The following CDH18 variants were observed in gnomAD, a reference collection of about 807,000 sequenced individuals.
The protein encoded by CDH18 is cadherin-18.
Under a neutral mutation model 67.9 loss-of-function variants are expected in CDH18, and 31 were observed. The ratio of observed to expected loss-of-function variants is 0.46; its 90% CI spans 0.34 to 0.62. CDH18 has a LOEUF of 0.62. Among genes scored for constraint, CDH18 ranks in the 20% least tolerant of loss-of-function variants. The pLI is 0.01. For missense variants in CDH18, 890 were observed against 975.5 expected, an observed-to-expected ratio of 0.91 and a Z score of 1.17; for synonymous variants, 362 against 347.2, an observed-to-expected ratio of 1.04 and a Z score of -0.48.
At chr5:20,418,250 T>TTTTTTTTTTG (rs1747506484) in intron 1 of CDH18, among the ~76,000 whole-genome samples, 1 of 122,236 alleles carries the variant, frequency 8.2e-6, no homozygotes, top group African/African-American at 3.2e-5. Flanking sequence ...TAATTTTTTT[T>TTTTTTTTTTG]TTTTTTTTTT....
At chr5:19,656,975 A>C (rs1756490870) in intron 5 of CDH18, among the ~76,000 whole-genome samples, 1 of 151,908 alleles carries the variant, frequency 6.6e-6, no homozygotes, top group African/African-American at 2.4e-5. Flanking sequence ...TATAAACAAC[A>C]TGGTATGGGA....
chr5:20,265,870 A>G (rs1744994509), intron 1 of CDH18, among the ~76,000 whole-genome samples: 1 of 152,174 alleles, frequency 6.6e-6, no homozygotes, highest in African/African-American at 2.4e-5. Context: ...GTGTTTCTGA[A>G]AAAGATTAGC....
chr5:20,272,934 G>A (rs1745544295), intron 1 of CDH18, among the ~76,000 whole-genome samples: 1 of 152,030 alleles, frequency 6.6e-6, no homozygotes, highest in African/African-American at 2.4e-5. Context: ...AAATGCTAAT[G>A]AAAATGCAGT....
At chr5:19,476,580 G>A (rs2126524916) in intron 12 of CDH18, among the ~76,000 whole-genome samples, 1 of 152,110 alleles carries the variant, frequency 6.6e-6, no homozygotes, top group Middle Eastern at 3.4e-3. Context: ...ACTGTATTCA[G>A]AAGTTTAGAT....
At chr5:20,102,851 C>T (rs541049191) in intron 2 of CDH18, among the ~76,000 whole-genome samples, 2 of 152,178 alleles carry the variant, frequency 1.3e-5, no homozygotes, top group African/African-American at 4.8e-5. Context: ...CCATCTGTGA[C>T]TAGAATAATA....
In CDH18 at chr5:20,191,468, G is replaced by A. The variant is rs115905220; in HGVS notation, c.-518+63976C>T. 6.7e-3 allele frequency among the ~76,000 whole-genome samples: 1,024 copies of A among 151,980 alleles called. 14 individuals are homozygous for A. Among genetic ancestry groups the A allele is most frequent in the African/African-American group, 0.024 (979 of 41,456 alleles). On this transcript the variant is annotated intron_variant, in intron 2 of 14. Coordinates refer to the CDH18 transcript ENST00000507958. ...GTTACATTGGTATTTGTGTGCCATG[G>A]TGGTTTGCTGCACCTATTGAACTAT...
intron 2 of CDH18, among the ~76,000 whole-genome samples, chr5:19,924,041 T>G (rs558794100): frequency 6.6e-6 from 1 of 152,320 alleles, no homozygotes; most frequent in South Asian, 2.1e-4. Flanking sequence ...AGCATTGTCA[T>G]AGCTGGCTTA....
At chr5:20,060,907 T>C (rs1008506385) in intron 2 of CDH18, among the ~76,000 whole-genome samples, 2 of 151,910 alleles carry the variant, frequency 1.3e-5, no homozygotes, top group African/African-American at 4.8e-5. Context: ...ACACAAATGA[T>C]ATTTTTCCTA....
intron 3 of CDH18, among the ~76,000 whole-genome samples, chr5:19,747,981 C>A (rs539658905): frequency 2.7e-5 from 4 of 150,088 alleles, no homozygotes; most frequent in East Asian, 3.9e-4. Context: ...GGCGTGGTGG[C>A]GGGCGCCTGT....
intron 2 of CDH18, among the ~76,000 whole-genome samples, chr5:19,872,052 A>G (rs1223625919): frequency 2.0e-5 from 3 of 152,158 alleles, no homozygotes; most frequent in African/African-American, 7.2e-5. Flanking sequence ...TGTTTTATAC[A>G]TATTTCCTTA....
intron 7 of CDH18, among the ~76,000 whole-genome samples, chr5:19,575,704 A>T (rs1018590862): frequency 7.2e-5 from 11 of 152,166 alleles, no homozygotes; most frequent in African/African-American, 2.7e-4. Flanking sequence ...ATGACATAAC[A>T]AATTGCCACA....
chr5:19,580,699 G>A (rs1743104288), intron 7 of CDH18, among the ~76,000 whole-genome samples: 1 of 151,860 alleles, frequency 6.6e-6, no homozygotes, highest in African/African-American at 2.4e-5. Context: ...CTACAAATGA[G>A]GAAACTAAGG....
chr5:20,166,712 T>A (rs964995820), intron 2 of CDH18, among the ~76,000 whole-genome samples: 1 of 152,090 alleles, frequency 6.6e-6, no homozygotes, highest in African/African-American at 2.4e-5. Context: ...TAGGATTAAG[T>A]CCATGTTTCC....
At chr5:20,544,416 C>T (rs1174910894) in intron 1 of CDH18, among the ~76,000 whole-genome samples, 6 of 152,078 alleles carry the variant, frequency 3.9e-5, no homozygotes, top group African/African-American at 1.4e-4. Flanking sequence ...AATCTGTTCT[C>T]ACACTGCTAT....
intron 2 of CDH18, among the ~76,000 whole-genome samples, chr5:19,946,669 A>G (rs1795312721): frequency 1.3e-5 from 2 of 152,158 alleles, no homozygotes; most frequent in Admixed American, 1.3e-4. Flanking sequence ...ACACTTAAAG[A>G]AAAGTTAACA....
chr5:20,007,005 T>G (rs534353328), intron 2 of CDH18, among the ~76,000 whole-genome samples: 134 of 152,040 alleles, frequency 8.8e-4, no homozygotes, highest in Non-Finnish European at 1.0e-3. Flanking sequence ...TTGAGTTAAA[T>G]TTTTTTAGGT....
At chr5:19,797,481 A>G (rs1041706653) in intron 3 of CDH18, among the ~76,000 whole-genome samples, 1 of 152,032 alleles carries the variant, frequency 6.6e-6, no homozygotes, top group African/African-American at 2.4e-5. Flanking sequence ...TAAAACTCAT[A>G]CAACTAAGTG....
intron 7 of CDH18, among the ~76,000 whole-genome samples, chr5:19,581,069 A>G (rs1743169374): frequency 6.6e-6 from 1 of 151,934 alleles, no homozygotes. Flanking sequence ...CTAAAATGCT[A>G]TTGATAAAAT....
intron 1 of CDH18, among the ~76,000 whole-genome samples, chr5:20,457,814 G>A (rs1750951342): frequency 1.3e-5 from 2 of 152,154 alleles, no homozygotes; most frequent in African/African-American, 4.8e-5. Context: ...GGGAAGCTTG[G>A]TTAAATCTTT....
Sources: gnomAD v4.1 joint callset for allele counts (sites outside exome capture counted in the v4.1 genomes callset) on GRCh38, gnomAD v4.1.1 for gene constraint, MANE v1.5 for transcripts, NCBI Gene and HGNC (gene_info 2026-07-23, HGNC 2026-07-21) for gene names.